NR5A2: variants seen among roughly 807,000 people sequenced by gnomAD.
NR5A2 encodes the protein CYP7A promoter-binding factor.
Under a neutral mutation model 62.7 loss-of-function variants are expected in NR5A2, and 26 were observed. The observed-to-expected ratio is 0.41, with a 90% CI of 0.30 to 0.58. The LOEUF is 0.58. Among genes scored for constraint, NR5A2 ranks in the 20% least tolerant of loss-of-function variants. The pLI, the probability that NR5A2 is intolerant of heterozygous loss-of-function variation, is 0.22. For missense variants in NR5A2, 541 were observed against 669.1 expected (o/e 0.81, Z 2.11); for synonymous variants, 246 against 241.7 (o/e 1.02, Z -0.16).
chr1:200,085,351 C>T (rs990634938), intron 5 of NR5A2, among the ~76,000 whole-genome samples: 1 of 152,066 alleles, frequency 6.6e-6, no homozygotes, highest in African/African-American at 2.4e-5. Flanking sequence ...TTGATTGATT[C>T]AACAAATACT....
Position 200,039,882 on chromosome 1 carries a change from G to C in NR5A2, c.202+87G>C. On this transcript the variant is annotated intron_variant, in intron 2 of 7. Coordinates refer to ENST00000367362, the MANE Select transcript of NR5A2 (RefSeq NM_205860.3). The surrounding 1 kb of genome is among the most constrained non-coding windows in gnomAD (Gnocchi z 5.1). The stretch of plus-strand genomic sequence containing the variant: ...CAGGCTTCAGCCTCCCGCCCCGCGC[G>C]GGCGCGGGAGTAGCCCCGCTGGGCG... 1.4e-6 allele frequency: 2 copies of C among 1,440,934 alleles called. No homozygotes were observed. The highest frequency in any genetic ancestry group is 1.8e-6 in the Non-Finnish European group (2 of 1,099,546). The allele number at this position is 1,440,934 out of a possible 1,614,324, so 89.3% of individuals were successfully genotyped here.
chr1:200,072,321 A>C (rs1344197638), intron 5 of NR5A2, among the ~76,000 whole-genome samples: 1 of 152,102 alleles, frequency 6.6e-6, no homozygotes, highest in Non-Finnish European at 1.5e-5. Context: ...CAATCAGATA[A>C]ATTTAAAGTT....
At chr1:200,103,126 T>TTTA in intron 5 of NR5A2, among the ~76,000 whole-genome samples, 1 of 145,378 alleles carries the variant, frequency 6.9e-6, no homozygotes, top group Non-Finnish European at 1.5e-5. Flanking sequence ...AAAACTCTTT[T>TTTA]TTTTTTTTTT....
intron 1 of NR5A2, chr1:200,038,857 G>T: frequency 1.1e-6 from 1 of 895,746 alleles, no homozygotes; most frequent in Non-Finnish European, 1.5e-6. Flanking sequence ...GGTTGGGGCA[G>T]GCCGGGGGAC....
chr1:200,156,588 G>C (rs1036043350), intron 7 of NR5A2, among the ~76,000 whole-genome samples: 1 of 151,990 alleles, frequency 6.6e-6, no homozygotes, highest in African/African-American at 2.4e-5. Context: ...TAGTAGAGAG[G>C]GTGTTTCACC....
intron 2 of NR5A2, among the ~76,000 whole-genome samples, chr1:200,041,001 T>G (rs1662043717): frequency 6.6e-6 from 1 of 152,096 alleles, no homozygotes; most frequent in Non-Finnish European, 1.5e-5. Context: ...CTGGCTGCTA[T>G]GGGAACCCGG....
intron 7 of NR5A2, among the ~76,000 whole-genome samples, chr1:200,127,593 C>T (rs752485340): frequency 7.0e-6 from 1 of 143,226 alleles, no homozygotes; most frequent in Non-Finnish European, 1.5e-5. Context: ...AGGAGAATCA[C>T]TTCAACCCAG....
At position 200,147,215 on chromosome 1, in the gene NR5A2, G is replaced by A. The variant is rs1240001375; in HGVS notation, c.1378+26260G>A. On this transcript the variant is annotated intron_variant, in intron 7 of 7. Coordinates refer to ENST00000367362, the MANE Select transcript of NR5A2 (RefSeq NM_205860.3). This position sits in a 1 kb window ranked among gnomAD's most constrained non-coding sequence, Gnocchi z 4.9. ...CGCAAAAAATAGAGGGGGGCACCTC[G>A]CTGAAGCCAGCGAGGCCGCTGCACC... Among the ~76,000 whole-genome samples the A allele has an allele frequency of 1.3e-5, 2 of 152,208 alleles. No individual in the cohort carries two copies. The highest frequency in any genetic ancestry group is 2.1e-4 in the South Asian group (1 of 4,832).
At chr1:200,071,038 T>C (rs1663719679) in intron 5 of NR5A2, among the ~76,000 whole-genome samples, 1 of 152,236 alleles carries the variant, frequency 6.6e-6, no homozygotes. Flanking sequence ...ATATACGTCC[T>C]TTTACAAGTC....
chr1:200,028,319 T>G (rs1661419694), intron 1 of NR5A2, among the ~76,000 whole-genome samples: 1 of 151,968 alleles, frequency 6.6e-6, no homozygotes, highest in Non-Finnish European at 1.5e-5. Context: ...TGTCAAGTAT[T>G]TGTTACTTTT....
At chr1:200,145,784 T>C (rs975555284) in intron 7 of NR5A2, among the ~76,000 whole-genome samples, 1 of 152,120 alleles carries the variant, frequency 6.6e-6, no homozygotes, top group African/African-American at 2.4e-5. Context: ...CCACCACACC[T>C]ATAGGCTATC....
chr1:200,093,559 A>AAT (rs1664918237), intron 5 of NR5A2, among the ~76,000 whole-genome samples: 1 of 152,196 alleles, frequency 6.6e-6, no homozygotes. Context: ...AGAAACTATG[A>AAT]ATATTGAGAA....
chr1:200,129,802 T>C lies in NR5A2; in HGVS notation c.1378+8847T>C, dbSNP rs549093840. Among the ~76,000 whole-genome samples the C allele has an allele frequency of 1.3e-4, 20 of 152,298 alleles. No homozygotes were observed. The South Asian group carries it at 4.1e-3, about 32-fold the overall frequency. ...TGCAGGATCACCTGATGATTGGCCATTGTGGGGTTGTCTTCTTGAAAAAGA... is the reference window on the plus strand; with the variant it reads ...TGCAGGATCACCTGATGATTGGCCACTGTGGGGTTGTCTTCTTGAAAAAGA... On this transcript the variant is annotated intron_variant, in intron 7 of 7. Transcript: ENST00000367362.
intron 7 of NR5A2, among the ~76,000 whole-genome samples, chr1:200,136,776 CTGAG>C (rs1667240120): frequency 6.6e-6 from 1 of 152,198 alleles, no homozygotes; most frequent in Non-Finnish European, 1.5e-5. Flanking sequence ...AGTACAAGGG[CTGAG>C]TAACAATCCT....
chr1:200,039,490 TGGG>T lies in NR5A2; in HGVS notation c.65-165_65-163del, dbSNP rs1175713918. ...TAACCCTGACCTCCTCCTCGCAGCT[TGGG>T]GGCGGCTCCGGAGCTGCGAGACCGG... On this transcript the variant is annotated intron_variant, in intron 1 of 7. Transcript: ENST00000367362. This position sits in a 1 kb window ranked among gnomAD's most constrained non-coding sequence, Gnocchi z 5.1. Among the ~76,000 whole-genome samples, 8 of 151,882 alleles carry T rather than the reference TGGG, an allele frequency of 5.3e-5. No individual in the cohort carries two copies. Among genetic ancestry groups the T allele is most frequent in the African/African-American group, 1.5e-4 (6 of 41,350 alleles).
intron 6 of NR5A2, among the ~76,000 whole-genome samples, chr1:200,112,578 CAAATT>C (rs1449429577): frequency 1.3e-5 from 2 of 152,184 alleles, no homozygotes; most frequent in African/African-American, 2.4e-5. Flanking sequence ...ATTTCCCAAT[CAAATT>C]AAAAGCAAGC....
At chr1:200,149,174 A>G (rs1014651364) in intron 7 of NR5A2, among the ~76,000 whole-genome samples, 8 of 152,064 alleles carry the variant, frequency 5.3e-5, no homozygotes, top group Admixed American at 4.6e-4. Flanking sequence ...CGGCCCCCCA[A>G]AGGCTGGGAT....
At chr1:200,070,664 AGT>A (rs1663698514) in intron 5 of NR5A2, among the ~76,000 whole-genome samples, 1 of 138,488 alleles carries the variant, frequency 7.2e-6, no homozygotes, top group Admixed American at 7.6e-5. Flanking sequence ...TAGGTGACAG[AGT>A]GAGACTCTGT....
At chr1:200,061,732 T>C (rs966161142) in intron 5 of NR5A2, among the ~76,000 whole-genome samples, 1 of 152,200 alleles carries the variant, frequency 6.6e-6, no homozygotes, top group Non-Finnish European at 1.5e-5. Flanking sequence ...ACCTGAGATC[T>C]TAAGGTCCTG....
Sources: allele counts gnomAD v4.1 joint callset (sites outside exome capture counted in the v4.1 genomes callset), GRCh38; gene constraint gnomAD v4.1.1; non-coding constraint Gnocchi (gnomAD v3.1); transcripts MANE v1.5; gene names NCBI Gene and HGNC (gene_info 2026-07-23, HGNC 2026-07-21).